The following SLCO1A2 variants were observed in gnomAD, a reference collection of about 807,000 sequenced individuals.
SLCO1A2 encodes solute carrier organic anion transporter family member 1A2.
Under a neutral mutation model 69.0 loss-of-function variants are expected in SLCO1A2, and 67 were observed. That is an observed-to-expected ratio of 0.97 (90% confidence interval 0.80 to 1.19). The LOEUF is 1.19. SLCO1A2 is among the 50% of genes most tolerant of loss of function. SLCO1A2 has a pLI of 0.00. For synonymous variants in SLCO1A2, 260 were observed against 265.9 expected, an observed-to-expected ratio of 0.98 and a Z score of 0.22; for missense variants, 787 against 793.7, an observed-to-expected ratio of 0.99 and a Z score of 0.10.
chr12:21,293,298 A>G (rs10770795), intron 11 of SLCO1A2, among the ~76,000 whole-genome samples: 38,566 of 151,792 alleles, frequency 0.25, 6,775 homozygotes, highest in African/African-American at 0.49. Flanking sequence ...GTGAGACTCC[A>G]TCTCAAAAAA....
At chr12:21,324,989 G>C (rs1039201596) in intron 2 of SLCO1A2, among the ~76,000 whole-genome samples, 2 of 152,328 alleles carry the variant, frequency 1.3e-5, no homozygotes, top group East Asian at 3.9e-4. Context: ...GGTAGCTTCA[G>C]TTAACATTCC....
intron 1 of SLCO1A2, among the ~76,000 whole-genome samples, chr12:21,386,168 TGGGAAAGACA>T (rs1195338306): frequency 1.3e-5 from 2 of 152,142 alleles, no homozygotes. Flanking sequence ...ATTGGTGCAA[TGGGAAAGACA>T]GGATTTTTGG....
intron 12 of SLCO1A2, among the ~76,000 whole-genome samples, chr12:21,288,553 A>G (rs1465861357): frequency 2.6e-5 from 4 of 152,186 alleles, no homozygotes; most frequent in Non-Finnish European, 4.4e-5. Flanking sequence ...AGAGATAGTT[A>G]ATAGGTACGA....
At chr12:21,306,575 T>C (rs1949425545) in intron 5 of SLCO1A2, among the ~76,000 whole-genome samples, 2 of 152,064 alleles carry the variant, frequency 1.3e-5, no homozygotes. Flanking sequence ...GATCCATCCG[T>C]CTCAGCCTCC....
chr12:21,376,790 T>A (rs577239002), intron 1 of SLCO1A2, among the ~76,000 whole-genome samples: 5 of 152,130 alleles, frequency 3.3e-5, no homozygotes, highest in African/African-American at 1.2e-4. Flanking sequence ...TGCATTTGAG[T>A]CCCAGATTAT....
chr12:21,344,414 T>G (rs1053464312), intron 2 of SLCO1A2, among the ~76,000 whole-genome samples: 1 of 152,110 alleles, frequency 6.6e-6, no homozygotes, highest in African/African-American at 2.4e-5. Flanking sequence ...TCTATTCTAG[T>G]TGCCAGAAAG....
upstream of SLCO1A2, among the ~76,000 whole-genome samples, chr12:21,335,947 C>A (rs1952872257): frequency 6.6e-6 from 1 of 152,050 alleles, no homozygotes. Flanking sequence ...GATACTTGGA[C>A]CCAGATTCCA....
chr12:21,284,374 G>A (rs974706536), intron 12 of SLCO1A2, among the ~76,000 whole-genome samples: 15 of 152,280 alleles, frequency 9.9e-5, no homozygotes, highest in Non-Finnish European at 2.2e-4. Context: ...TCACTAGGGA[G>A]TGCCAGACAG....
intron 9 of SLCO1A2, among the ~76,000 whole-genome samples, chr12:21,297,052 A>C (rs1947828457): frequency 6.6e-6 from 1 of 152,132 alleles, no homozygotes; most frequent in East Asian, 1.9e-4. Flanking sequence ...AAAAGAGTAA[A>C]ATTTGGTAGT....
chr12:21,397,448 A>G (rs1022570933), upstream of SLCO1A2, among the ~76,000 whole-genome samples: 1 of 151,744 alleles, frequency 6.6e-6, no homozygotes, highest in African/African-American at 2.4e-5. Flanking sequence ...CCCACTGTCA[A>G]CATTAGACAG....
chr12:21,387,713 G>A (rs759304464), intron 1 of SLCO1A2, among the ~76,000 whole-genome samples: 42 of 152,234 alleles, frequency 2.8e-4, no homozygotes, highest in Non-Finnish European at 4.9e-4. Context: ...GGGTTGGAGC[G>A]CCCCCACAGA....
chr12:21,409,527 A>G (rs1426370686), intron 1 of SLCO1A2, among the ~76,000 whole-genome samples: 1 of 152,134 alleles, frequency 6.6e-6, no homozygotes, highest in East Asian at 1.9e-4. Flanking sequence ...GTAATATAAT[A>G]ATATTATATT....
upstream of SLCO1A2, among the ~76,000 whole-genome samples, chr12:21,399,475 C>A (rs1375766634): frequency 3.5e-5 from 1 of 28,544 alleles, no homozygotes; most frequent in Admixed American, 3.5e-4. Flanking sequence ...GATTCAATGC[C>A]ATCCCCATCA....
intron 12 of SLCO1A2, among the ~76,000 whole-genome samples, chr12:21,289,206 G>GTGTA (rs1468361344): frequency 6.6e-6 from 1 of 151,328 alleles, no homozygotes; most frequent in East Asian, 1.9e-4. Context: ...GTGTGTGTGT[G>GTGTA]TGTGTGTGTG....
At chr12:21,363,172 G>C (rs1458814058) in intron 2 of SLCO1A2, among the ~76,000 whole-genome samples, 1 of 152,110 alleles carries the variant, frequency 6.6e-6, no homozygotes, top group Admixed American at 6.5e-5. Flanking sequence ...AAATGTAAAA[G>C]AACAGAAATT....
intron 2 of SLCO1A2, among the ~76,000 whole-genome samples, chr12:21,329,789 G>A (rs1183390327): frequency 6.6e-6 from 1 of 150,830 alleles, no homozygotes; most frequent in Non-Finnish European, 1.5e-5. Context: ...CTACATCATT[G>A]TATTTTTATA....
At chr12:21,322,535 T>A (rs1324380706) in intron 2 of SLCO1A2, among the ~76,000 whole-genome samples, 1 of 152,170 alleles carries the variant, frequency 6.6e-6, no homozygotes, top group Non-Finnish European at 1.5e-5. Flanking sequence ...TGGCAATTGG[T>A]TGGAAGAGTT....
chr12:21,319,591 A>G (rs993194754), intron 2 of SLCO1A2: 2 of 605,900 alleles, frequency 3.3e-6, no homozygotes, highest in African/African-American at 3.8e-5. Flanking sequence ...TGCAGTGTAA[A>G]TGGAGGACCA....
In SLCO1A2 at chr12:21,319,049, AG is replaced by A. The variant is rs1470410670; in HGVS notation, c.61-127del. 5 of 753,832 alleles carry A rather than the reference AG, an allele frequency of 6.6e-6. No homozygotes were observed. In the Admixed American group the frequency reaches 9.1e-5, roughly 14 times the overall value. 46.7% of individuals were successfully genotyped at this position (753,832 alleles called of 1,614,324 possible). A position where few individuals can be genotyped will look rare whatever the true frequency, so the allele number is the denominator to read the frequency against. On this transcript the variant is annotated intron_variant, in intron 2 of 14. Coordinates refer to ENST00000683939, the MANE Select transcript of SLCO1A2 (RefSeq NM_001386879.1). ...AACTTAAGTAACCTTTGAATTTGCA[AG>A]AAACTGTAAAGTGTAGTCTGCTCCT... is the stretch of plus-strand genomic sequence containing the variant.
Sources: allele counts gnomAD v4.1 joint callset (sites outside exome capture counted in the v4.1 genomes callset), GRCh38; gene constraint gnomAD v4.1.1; transcripts MANE v1.5; gene names NCBI Gene and HGNC (gene_info 2026-07-23, HGNC 2026-07-21).